Variants in PTPRG observed in about 807,000 individuals in gnomAD.
PTPRG encodes receptor-type tyrosine-protein phosphatase gamma.
A neutral mutation model predicts 165.3 loss-of-function variants in PTPRG; 102 were observed. The ratio of observed to expected loss-of-function variants is 0.62; its 90% CI spans 0.53 to 0.73. The LOEUF is 0.73. PTPRG is among the 30% of genes least tolerant of loss of function. PTPRG has a pLI of 0.00. For synonymous variants in PTPRG, 675 were observed against 669.5 expected, an observed-to-expected ratio of 1.01 and a Z score of -0.13; for missense variants, 1,866 against 1,861.4, an observed-to-expected ratio of 1.00 and a Z score of -0.05.
At chr3:62,146,824 A>T (rs1576061999) in intron 6 of PTPRG, among the ~76,000 whole-genome samples, 1 of 152,224 alleles carries the variant, frequency 6.6e-6, no homozygotes. Flanking sequence ...TACCAACAGA[A>T]CTTCATTTAC....
intron 1 of PTPRG, among the ~76,000 whole-genome samples, chr3:61,721,636 G>T (rs1467706437): frequency 6.6e-6 from 1 of 152,024 alleles, no homozygotes; most frequent in Non-Finnish European, 1.5e-5. Context: ...ACCATGTCCT[G>T]CATATTTTCC....
At chr3:61,908,083 TG>T (rs2038702464) in intron 2 of PTPRG, among the ~76,000 whole-genome samples, 1 of 136,026 alleles carries the variant, frequency 7.4e-6, no homozygotes, top group African/African-American at 2.8e-5. Flanking sequence ...ATTGTGCCAC[TG>T]CTCCAGCCTG....
chr3:62,088,061 G>T lies in PTPRG; in HGVS notation c.615+9803G>T, dbSNP rs535267312. Among the ~76,000 whole-genome samples the T allele has an allele frequency of 3.0e-4, 45 of 152,320 alleles. No homozygotes were observed. In the South Asian group the frequency reaches 9.3e-3, roughly 32 times the overall value. ...GGGGTAAAGATTTGAACTTTGAATT[G>T]AATGTATTAACCTTTTAATGGCAGC... On this transcript the variant is annotated intron_variant, in intron 5 of 29. Transcript: ENST00000474889.
At chr3:61,928,611 C>A (rs2039283984) in intron 2 of PTPRG, among the ~76,000 whole-genome samples, 1 of 152,060 alleles carries the variant, frequency 6.6e-6, no homozygotes, top group Non-Finnish European at 1.5e-5. Context: ...GGGATTCTCC[C>A]TAAAACAAAA....
At chr3:61,609,644 C>T (rs935197959) in intron 1 of PTPRG, among the ~76,000 whole-genome samples, 2 of 151,882 alleles carry the variant, frequency 1.3e-5, no homozygotes, top group Non-Finnish European at 2.9e-5. Context: ...ATTGCTTGAG[C>T]CCAAGAGTTT....
intron 2 of PTPRG, among the ~76,000 whole-genome samples, chr3:61,932,742 C>A (rs2039391443): frequency 6.6e-6 from 1 of 152,160 alleles, no homozygotes; most frequent in African/African-American, 2.4e-5. Flanking sequence ...AAACTTGTAA[C>A]CACCACCACC....
intron 28 of PTPRG, among the ~76,000 whole-genome samples, chr3:62,292,180 A>G (rs1702921344): frequency 6.6e-6 from 1 of 152,144 alleles, no homozygotes; most frequent in South Asian, 2.1e-4. Flanking sequence ...CTCATTTCCT[A>G]TTAGATATCA....
chr3:61,941,728 T>C (rs975666366), intron 2 of PTPRG, among the ~76,000 whole-genome samples: 12 of 152,184 alleles, frequency 7.9e-5, no homozygotes, highest in Admixed American at 7.9e-4. Context: ...CAACTTCCCC[T>C]TTTTTTGGTC....
chr3:61,954,276 C>T (rs1009269565), intron 2 of PTPRG, among the ~76,000 whole-genome samples: 1 of 152,094 alleles, frequency 6.6e-6, no homozygotes, highest in Non-Finnish European at 1.5e-5. Context: ...TTTTTAATAA[C>T]CCTTGGCAGT....
intron 4 of PTPRG, among the ~76,000 whole-genome samples, chr3:62,006,568 TG>T (rs1186916747): frequency 6.6e-6 from 1 of 152,182 alleles, no homozygotes; most frequent in Non-Finnish European, 1.5e-5. Context: ...TTATCAGCAT[TG>T]GGGGCATTAA....
intron 10 of PTPRG, among the ~76,000 whole-genome samples, chr3:62,197,731 G>A (rs1428286665): frequency 6.6e-6 from 1 of 152,176 alleles, no homozygotes; most frequent in African/African-American, 2.4e-5. Context: ...AATAGACCCA[G>A]GGCTCCCTGG....
intron 1 of PTPRG, among the ~76,000 whole-genome samples, chr3:61,723,150 T>C (rs1375114635): frequency 1.3e-5 from 2 of 152,232 alleles, no homozygotes; most frequent in Non-Finnish European, 2.9e-5. Context: ...CATCCTTTAA[T>C]TGGTACATTG....
At chr3:61,689,293 A>C (rs946063475) in intron 1 of PTPRG, among the ~76,000 whole-genome samples, 19 of 152,252 alleles carry the variant, frequency 1.2e-4, no homozygotes, top group Non-Finnish European at 2.9e-5. Flanking sequence ...GGTTGAAGCT[A>C]TGTGTATACA....
At chr3:61,568,108 G>A (rs558969362) in intron 1 of PTPRG, among the ~76,000 whole-genome samples, 1 of 152,100 alleles carries the variant, frequency 6.6e-6, no homozygotes, top group Non-Finnish European at 1.5e-5. Flanking sequence ...AAGAGTTATC[G>A]GACTTGGCTT....
intron 2 of PTPRG, among the ~76,000 whole-genome samples, chr3:61,905,167 A>G (rs1255377328): frequency 4.6e-5 from 7 of 152,194 alleles, no homozygotes; most frequent in African/African-American, 1.4e-4. Context: ...CTCTGCCGAT[A>G]CAGGTTATAT....
intron 2 of PTPRG, among the ~76,000 whole-genome samples, chr3:61,801,708 A>G (rs1402004517): frequency 1.3e-5 from 2 of 152,126 alleles, no homozygotes; most frequent in Non-Finnish European, 2.9e-5. Flanking sequence ...TATTGTTAGC[A>G]TTATCCTAAT....
intron 2 of PTPRG, among the ~76,000 whole-genome samples, chr3:61,848,661 T>C (rs775717570): frequency 1.3e-5 from 2 of 152,204 alleles, no homozygotes; most frequent in Non-Finnish European, 2.9e-5. Flanking sequence ...ATAATGAACA[T>C]GGAATATAAA....
intron 4 of PTPRG, among the ~76,000 whole-genome samples, chr3:62,023,008 C>T (rs1298538499): frequency 6.6e-6 from 1 of 151,750 alleles, no homozygotes; most frequent in Non-Finnish European, 1.5e-5. Context: ...ACATTCAAAA[C>T]AAAATTAAGA....
chr3:61,933,370 G>A (rs568060756), intron 2 of PTPRG, among the ~76,000 whole-genome samples: 1 of 152,082 alleles, frequency 6.6e-6, no homozygotes, highest in Admixed American at 6.5e-5. Context: ...GTACCTGATG[G>A]GCACTCATTA....
Sources: gnomAD v4.1 joint callset for allele counts (sites outside exome capture counted in the v4.1 genomes callset) on GRCh38, gnomAD v4.1.1 for gene constraint, MANE v1.5 for transcripts, NCBI Gene and HGNC (gene_info 2026-07-23, HGNC 2026-07-21) for gene names.